Variants in UBR7 observed in about 807,000 individuals in gnomAD.
UBR7 encodes the protein ubiquitin protein ligase E3 component n-recognin 7, also known as putative E3 ubiquitin-protein ligase UBR7.
A neutral mutation model predicts 57.0 loss-of-function variants in UBR7; 22 were observed. That is an observed-to-expected ratio of 0.39 (90% CI 0.28 to 0.55). The LOEUF (loss-of-function observed/expected upper bound fraction) is 0.55, where lower values mean the gene tolerates loss of function less well. Among genes scored for constraint, UBR7 ranks in the 20% least tolerant of loss-of-function variants. The pLI, the probability that UBR7 is intolerant of heterozygous loss-of-function variation, is 0.69. For missense variants in UBR7, 395 were observed against 513.2 expected, an observed-to-expected ratio of 0.77 and a Z score of 2.23; for synonymous variants, 167 against 179.8, an observed-to-expected ratio of 0.93 and a Z score of 0.57.
chr14:93,228,497 G>A lies in UBR7; in HGVS notation c.*1462G>A, dbSNP rs1894916740. Reference sequence around the variant, plus strand: ...CCAATCCCTGGATGAGATGAACTAGGCCTTATAAAAAGTCAAAGCCTCAAA... The same window carrying A: ...CCAATCCCTGGATGAGATGAACTAGACCTTATAAAAAGTCAAAGCCTCAAA... On this transcript the variant is annotated 3_prime_UTR_variant, in exon 11 of 11. Coordinates refer to ENST00000013070, the MANE Select transcript of UBR7 (RefSeq NM_175748.4). 2.2e-6 allele frequency: 1 copy of A among 453,940 alleles called. No individual in the cohort carries two copies. Among genetic ancestry groups the A allele is most frequent in the Non-Finnish European group, 4.4e-6 (1 of 226,784 alleles). The allele number at this position is 453,940 out of a possible 1,614,324, so 28.1% of individuals were successfully genotyped here. A position where few individuals can be genotyped will look rare whatever the true frequency, so the allele number is the denominator to read the frequency against.
chr14:93,213,961 C>T (rs533743255), intron 4 of UBR7, among the ~76,000 whole-genome samples: 1 of 151,980 alleles, frequency 6.6e-6, no homozygotes, highest in Non-Finnish European at 1.5e-5. Context: ...GAGTTTCGCT[C>T]TGTCACCCAG....
chr14:93,216,987 C>A (rs185063217), intron 6 of UBR7, among the ~76,000 whole-genome samples: 2 of 152,202 alleles, frequency 1.3e-5, no homozygotes, highest in African/African-American at 4.8e-5. Flanking sequence ...TCTCACTGTC[C>A]ACAGATGCTG....
At chr14:93,216,121 G>A (rs1894585868) in intron 6 of UBR7, among the ~76,000 whole-genome samples, 1 of 152,136 alleles carries the variant, frequency 6.6e-6, no homozygotes, top group Non-Finnish European at 1.5e-5. Flanking sequence ...AAACAAGCTC[G>A]CTTGGGCCTC....
chr14:93,219,280 T>C lies in UBR7; in HGVS notation c.879T>C (p.Ala293=), dbSNP rs142522794. The change falls in exon 8 of 11, where the codon GCT becomes GCC. Residue 293 remains alanine, a synonymous_variant. Coordinates refer to ENST00000013070, the MANE Select transcript of UBR7 (RefSeq NM_175748.4). ...KSGCKLQELK[A]KQLIKKDTAT... is the part of the protein sequence containing the mutation. The stretch of plus-strand genomic sequence containing the variant: ...GCTGCAAACTTCAGGAGCTTAAAGC[T>C]AAGCAGCTTATAAAGAAAGACACTG... The C allele has an allele frequency of 0.014, 23,392 of 1,614,184 alleles. 223 individuals carry two copies. Among genetic ancestry groups the C allele is most frequent in the Middle Eastern group, 0.02 (124 of 6,062 alleles).
rs201695066 is a variant in UBR7, at chr14:93,218,704, G to T, written c.779G>T (p.Cys260Phe). ...EVKVEQNSEP[C>F]AGSSSESDLQ... ...AAAGTAGAGCAGAACAGTGAACCAT[G>T]TGCCGGCTCTAGTTCTGAATCTGAT... Residue 260 changes from cysteine (C) to phenylalanine (F), a missense_variant, in exon 7 of 11, where the codon TGT becomes TTT. By Grantham distance (205) the Cys-to-Phe change is radical (BLOSUM62 -2). Transcript: ENST00000013070. 6.2e-7 allele frequency: 1 copy of T among 1,614,070 alleles called. No homozygotes were observed. The highest frequency in any genetic ancestry group is 2.2e-5 in the East Asian group (1 of 44,860).
Position 93,210,650 on chromosome 14 carries a change from A to T in UBR7, c.287A>T (p.Asn96Ile). Residue 96 changes from asparagine (N) to isoleucine (I), a missense_variant and splice_region_variant, in exon 3 of 11, where the codon AAT becomes ATT. Physicochemically the swap from Asn to Ile is moderately radical, Grantham distance 149 (BLOSUM62 -3). Coordinates refer to ENST00000013070, the MANE Select transcript of UBR7 (RefSeq NM_175748.4). ...HKLFELYTKR[N>I]FRCDCGNSKF... ...TTGTTATTTCCTCCTTTTTTCAGAA[A>T]TTTTCGTTGTGATTGTGGAAACAGC... The T allele has an allele frequency of 6.2e-7, 1 of 1,603,916 alleles. No homozygotes were observed.
chr14:93,214,227 A>G (rs558165430), intron 4 of UBR7, among the ~76,000 whole-genome samples: 1 of 152,336 alleles, frequency 6.6e-6, no homozygotes, highest in African/African-American at 2.4e-5. Context: ...ACGCCCAGCC[A>G]AAACTGGATA....
chr14:93,219,350 C>T lies in UBR7; in HGVS notation c.949C>T (p.Gln317Ter), dbSNP rs1894658562. Residue 317 changes from glutamine (Q) to a stop codon, truncating the protein, a stop_gained, in exon 8 of 11, where the codon CAA becomes TAA. Coordinates refer to ENST00000013070, the MANE Select transcript of UBR7 (RefSeq NM_175748.4). LOFTEE classifies it high-confidence loss of function. ...LNWRSKLCTC[Q>*]DCMKMYGDLD... ...CTGGCGTAGCAAGTTGTGTACCTGC[C>T]AAGACTGTATGGTAAAGTATCTGAT... 1 of 1,614,146 alleles carries T rather than the reference C, an allele frequency of 6.2e-7. No individual in the cohort carries two copies. Among genetic ancestry groups the T allele is most frequent in the Non-Finnish European group, 8.5e-7 (1 of 1,180,042 alleles).
rs1894467488 is a variant in UBR7, at chr14:93,210,838, A to G, written c.345+130A>G. 3 of 755,580 alleles carry G rather than the reference A, an allele frequency of 4.0e-6. No homozygotes were observed. The East Asian group carries it at 8.2e-5, about 21-fold the overall frequency. The allele number at this position is 755,580 out of a possible 1,614,324, so 46.8% of individuals were successfully genotyped here. On this transcript the variant is annotated intron_variant, in intron 3 of 10. Coordinates refer to ENST00000013070, the MANE Select transcript of UBR7 (RefSeq NM_175748.4). ...TTATGCTTATTCTTTGCAGATGGCC[A>G]TTTCATTTTTTACTTTGTTAGAAAA...
intron 6 of UBR7, among the ~76,000 whole-genome samples, chr14:93,217,474 A>G (rs868480243): frequency 1.3e-5 from 2 of 152,028 alleles, no homozygotes; most frequent in African/African-American, 4.8e-5. Flanking sequence ...TATATCTGCC[A>G]CTACACCCAT....
At chr14:93,217,468 T>A (rs1246562578) in intron 6 of UBR7, among the ~76,000 whole-genome samples, 1 of 152,170 alleles carries the variant, frequency 6.6e-6, no homozygotes, top group Non-Finnish European at 1.5e-5. Flanking sequence ...TCAGAGTATA[T>A]CTGCCACTAC....
chr14:93,214,868 C>G (rs1894558350), intron 4 of UBR7, 61 bp from the exon 5 acceptor site: 1 of 1,418,014 alleles, frequency 7.1e-7, no homozygotes, highest in African/African-American at 1.4e-5. Flanking sequence ...TACTGTGTGC[C>G]AGGTTATTTC....
At chr14:93,223,613 G>A in intron 10 of UBR7, 1 of 1,267,692 alleles carries the variant, frequency 7.9e-7, no homozygotes, top group Non-Finnish European at 1.1e-6. Flanking sequence ...AGAACGTGTT[G>A]GGCCTCTTGG....
chr14:93,220,479 TA>T, intron 9 of UBR7, 68 bp downstream of exon 9: 1 of 1,552,866 alleles, frequency 6.4e-7, no homozygotes, highest in Non-Finnish European at 8.9e-7. Flanking sequence ...AAGGGGGCAG[TA>T]AACACCTATA....
rs1409067005 is a variant in UBR7, at chr14:93,218,522, C to T, written c.602-5C>T. ...ATGTGTTTTTCTTTTTCTTTGAACT[C>T]ACAGTAACCAAAATATCCACTGAGG... is the stretch of plus-strand genomic sequence containing the variant. On this transcript the variant is annotated splice_region_variant and splice_polypyrimidine_tract_variant and intron_variant, in intron 6 of 10. Coordinates refer to ENST00000013070, the MANE Select transcript of UBR7 (RefSeq NM_175748.4). The T allele has an allele frequency of 1.9e-6, 3 of 1,613,920 alleles. No individual in the cohort carries two copies. The highest frequency in any genetic ancestry group is 2.7e-5 in the African/African-American group (2 of 74,968).
chr14:93,213,598 C>T (rs1376297475), intron 4 of UBR7, among the ~76,000 whole-genome samples: 1 of 152,122 alleles, frequency 6.6e-6, no homozygotes, highest in African/African-American at 2.4e-5. Context: ...TGAGCCACCG[C>T]GCCCAGCCAA....
At chr14:93,223,750 T>A in intron 10 of UBR7, 1 of 767,212 alleles carries the variant, frequency 1.3e-6, no homozygotes, top group Non-Finnish European at 2.3e-6. Context: ...CTCCTTCACC[T>A]TCAGGATCTC....
At chr14:93,217,112 T>C (rs1342466738) in intron 6 of UBR7, among the ~76,000 whole-genome samples, 1 of 152,170 alleles carries the variant, frequency 6.6e-6, no homozygotes, top group Non-Finnish European at 1.5e-5. Flanking sequence ...CTGTAACCTA[T>C]GCCTCCTGGG....
chr14:93,228,116 G>A lies in UBR7; in HGVS notation c.*1081G>A, dbSNP rs17128946. On this transcript the variant is annotated 3_prime_UTR_variant, in exon 11 of 11. Transcript: ENST00000013070. ...GTGGAAGAGATTACAAACAAGGCCC[G>A]AGGCTGCACGAATGATGAGTTTTGT... 0.042 allele frequency: 27,657 copies of A among 665,730 alleles called. 833 individuals are homozygous for A. Among genetic ancestry groups the A allele is most frequent in the African/African-American group, 0.11 (6,296 of 56,744 alleles). 41.2% of individuals were successfully genotyped at this position (665,730 alleles called of 1,614,324 possible).
Sources: gnomAD v4.1 joint callset for allele counts (sites outside exome capture counted in the v4.1 genomes callset) on GRCh38, gnomAD v4.1.1 for gene constraint, MANE v1.5 for transcripts, NCBI Gene and HGNC (gene_info 2026-07-23, HGNC 2026-07-21) for gene names.